THAP9: variants seen among roughly 807,000 people sequenced by gnomAD.
The protein encoded by THAP9 is DNA transposase THAP9.
THAP9 carries 20 observed loss-of-function variants against 35.7 expected under a neutral mutation model. The observed-to-expected ratio is 0.56, with a 90% CI of 0.39 to 0.81. THAP9 has a LOEUF of 0.81. Ranked by LOEUF, THAP9 falls within the 40% of genes least tolerant of loss-of-function variation. THAP9 has a pLI of 0.00. For synonymous variants in THAP9, 335 were observed against 373.7 expected (o/e 0.90, Z 1.19); for missense variants, 870 against 1,047.4 (o/e 0.83, Z 2.34).
intron 2 of THAP9, chr4:82,905,976 G>A (rs1578446024): frequency 2.2e-6 from 1 of 456,414 alleles, no homozygotes; most frequent in East Asian, 6.9e-5. Context: ...CTTCTTTTTT[G>A]CACAAATAAC....
intron 1 of THAP9, among the ~76,000 whole-genome samples, chr4:82,904,024 A>G (rs1428276773): frequency 6.7e-6 from 1 of 148,684 alleles, no homozygotes; most frequent in East Asian, 2.0e-4. Flanking sequence ...ACTCTAGCCC[A>G]TACTCACTCA....
Position 82,917,369 on chromosome 4 carries a change from T to TG in THAP9, c.1161dup (p.Ile388AspfsTer4), listed in dbSNP as rs748395028. ...CATAGTGTTCAGATGGCAAAAGCAT[T>TG]GGGGATACATATTGATGGAGACGAC... On this transcript the variant is annotated frameshift_variant, in exon 5 of 5. Transcript: ENST00000302236. LOFTEE classifies it high-confidence loss of function. The TG allele has an allele frequency of 3.1e-5, 50 of 1,613,328 alleles. No homozygotes were observed. The highest frequency in any genetic ancestry group is 4.0e-5 in the Non-Finnish European group (47 of 1,179,534).
Position 82,907,876 on chromosome 4 carries a change from C to CA in THAP9, c.675dup (p.Val226SerfsTer3), listed in dbSNP as rs1560694192. ...CATGTACACTCTACTTGTGCAGTAG[C>CA]AAAGTCTATGATTATGTAAGAAAGA... is the stretch of plus-strand genomic sequence containing the variant. On this transcript the variant is annotated frameshift_variant, in exon 4 of 5. Coordinates refer to ENST00000302236, the MANE Select transcript of THAP9 (RefSeq NM_024672.6). LOFTEE classifies it high-confidence loss of function. The CA allele has an allele frequency of 6.2e-7, 1 of 1,611,926 alleles. No individual in the cohort carries two copies. Among genetic ancestry groups the CA allele is most frequent in the Admixed American group, 1.7e-5 (1 of 59,812 alleles).
In THAP9 at chr4:82,918,372, T is replaced by C; in HGVS notation, c.2160T>C (p.Gly720=). Residue 720 remains glycine, a synonymous_variant, in exon 5 of 5, where the codon GGT becomes GGC. Coordinates refer to ENST00000302236, the MANE Select transcript of THAP9 (RefSeq NM_024672.6). ...GGCGAAATCTCATCTGTTATGCTGGTTATGTTGCAAACAAGTTATCAGCTC... is the reference window on the plus strand; with the variant it reads ...GGCGAAATCTCATCTGTTATGCTGGCTATGTTGCAAACAAGTTATCAGCTC... ...DHRRNLICYA[G]YVANKLSALL... 2 of 1,614,152 alleles carry C rather than the reference T, an allele frequency of 1.2e-6. No individual in the cohort carries two copies. The highest frequency in any genetic ancestry group is 1.1e-5 in the South Asian group (1 of 91,080).
intron 1 of THAP9, among the ~76,000 whole-genome samples, chr4:82,904,269 T>A (rs1720550738): frequency 6.6e-6 from 1 of 151,988 alleles, no homozygotes; most frequent in Non-Finnish European, 1.5e-5. Flanking sequence ...TTCACCATGT[T>A]GTCCAGGCTG....
At chr4:82,902,229 C>T (rs1455755663) in intron 1 of THAP9, among the ~76,000 whole-genome samples, 1 of 149,314 alleles carries the variant, frequency 6.7e-6, no homozygotes, top group Non-Finnish European at 1.5e-5. Context: ...CCACCTCAGC[C>T]TCATGGGACT....
At position 82,900,779 on chromosome 4, in the gene THAP9, G is replaced by C; in HGVS notation, c.-24G>C. 1 of 1,613,512 alleles carries C rather than the reference G, an allele frequency of 6.2e-7. No homozygotes were observed. The highest frequency in any genetic ancestry group is 8.5e-7 in the Non-Finnish European group (1 of 1,179,922). On this transcript the variant is annotated 5_prime_UTR_variant, in exon 1 of 5. Coordinates refer to ENST00000302236, the MANE Select transcript of THAP9 (RefSeq NM_024672.6). ...TTCATGCTGTCGCGGGAACCCCGAA[G>C]GTGGGGCCCCACGTAACAAGAAGAT... is the stretch of plus-strand genomic sequence containing the variant.
At position 82,918,483 on chromosome 4, in the gene THAP9, G is replaced by A; in HGVS notation, c.2271G>A (p.Lys757=). The change falls in exon 5 of 5, where the codon AAG becomes AAA. Residue 757 remains lysine (K), a synonymous_variant. Transcript: ENST00000302236. ...TTGGGTCACTATTATTTGTTAAAAA[G>A]AAGAATGGTTTGCATTTTCCTTCAG... ...SKIGSLLFVK[K]KNGLHFPSES... 2 of 1,613,950 alleles carry A rather than the reference G, an allele frequency of 1.2e-6. No homozygotes were observed. Among genetic ancestry groups the A allele is most frequent in the East Asian group, 2.2e-5 (1 of 44,876 alleles).
chr4:82,910,488 G>C (rs1455539346), intron 4 of THAP9, among the ~76,000 whole-genome samples: 11 of 149,134 alleles, frequency 7.4e-5, no homozygotes, highest in Non-Finnish European at 1.5e-5. Flanking sequence ...TTAGTGTTCT[G>C]TTATATTAAT....
At chr4:82,916,488 A>G (rs565388520) in intron 4 of THAP9, among the ~76,000 whole-genome samples, 193 of 152,310 alleles carry the variant, frequency 1.3e-3, no homozygotes, top group Non-Finnish European at 2.4e-3. Context: ...GTTCATAACT[A>G]ACAGTACATT....
chr4:82,915,572 T>A (rs3940815), intron 4 of THAP9, among the ~76,000 whole-genome samples: 50,202 of 151,958 alleles, frequency 0.33, 9,669 homozygotes, highest in African/African-American at 0.52. Flanking sequence ...GTGTGTTTTT[T>A]AAACCTATTA....
chr4:82,918,033 C>T lies in THAP9; in HGVS notation c.1821C>T (p.Phe607=). The part of the protein sequence containing the change: ...MPFPYLLTYK[F]SHDHLELFLK... ...TTCCTTATCTTCTGACTTACAAATT[C>T]AGTCATGATCATCTGGAATTATTTC... The change falls in exon 5 of 5, where the codon TTC becomes TTT. Residue 607 remains phenylalanine, a synonymous_variant. Transcript: ENST00000302236. 6.2e-7 allele frequency: 1 copy of T among 1,614,000 alleles called. No individual in the cohort carries two copies. Among genetic ancestry groups the T allele is most frequent in the South Asian group, 1.1e-5 (1 of 91,066 alleles).
At position 82,917,666 on chromosome 4, in the gene THAP9, G is replaced by C. The variant is rs370590649; in HGVS notation, c.1454G>C (p.Ser485Thr). 1.5e-5 allele frequency: 25 copies of C among 1,613,244 alleles called. No homozygotes were observed. Among genetic ancestry groups the C allele is most frequent in the Non-Finnish European group, 1.9e-5 (23 of 1,179,578 alleles). ...AGTGCCACCCAACTCTTTAGTGAGA[G>C]TGTAGCCAGTGCATTAGAATATTTG... ...VNSATQLFSE[S>T]VASALEYLLS... is the part of the protein sequence containing the mutation. Residue 485 changes from serine (S) to threonine (T), a missense_variant, in exon 5 of 5, where the codon AGT becomes ACT. By Grantham distance (58) the Ser-to-Thr change is moderately conservative. Transcript: ENST00000302236.
Position 82,917,647 on chromosome 4 carries a change from A to AC in THAP9, c.1438dup (p.Gln480ProfsTer4), listed in dbSNP as rs769513941. ...TCATGTACTGAAAGTGAATAGTGCC[A>AC]CCCAACTCTTTAGTGAGAGTGTAGC... On this transcript the variant is annotated frameshift_variant, in exon 5 of 5. Transcript: ENST00000302236. LOFTEE classifies it high-confidence loss of function. 89 of 1,613,796 alleles carry AC rather than the reference A, an allele frequency of 5.5e-5. No individual in the cohort carries two copies. The highest frequency in any genetic ancestry group is 7.4e-5 in the Non-Finnish European group (87 of 1,179,830).
At chr4:82,900,931 G>T (rs755191963) in intron 1 of THAP9, 49 bp downstream of exon 1, 2 of 1,604,038 alleles carry the variant, frequency 1.2e-6, no homozygotes, top group Admixed American at 3.4e-5. Flanking sequence ...GCGGGGCCCG[G>T]CGGGCCGTGG....
rs755281975 is a variant in THAP9, at chr4:82,900,873, C to T, written c.71C>T (p.Ser24Phe). Residue 24 changes from serine to phenylalanine, a missense_variant, in exon 1 of 5, where the codon TCC becomes TTC. Transcript: ENST00000302236. ...DTVLSRERGL[S>F]FHQFPTDTIQ... is the part of the protein sequence containing the mutation. ...GTGCTCAGCCGGGAGCGCGGCCTCT[C>T]CTTCCACCAGTGCGTATGGGAGCAG... 1.2e-6 allele frequency: 2 copies of T among 1,613,434 alleles called. No individual in the cohort carries two copies. The highest frequency in any genetic ancestry group is 1.7e-6 in the Non-Finnish European group (2 of 1,180,000).
At chr4:82,911,126 G>A (rs1243408815) in intron 4 of THAP9, among the ~76,000 whole-genome samples, 1 of 152,150 alleles carries the variant, frequency 6.6e-6, no homozygotes, top group Non-Finnish European at 1.5e-5. Context: ...AATTGGCGAT[G>A]TATAAGAGAA....
chr4:82,911,832 A>G (rs1304581272), intron 4 of THAP9, among the ~76,000 whole-genome samples: 1 of 152,250 alleles, frequency 6.6e-6, no homozygotes, highest in Non-Finnish European at 1.5e-5. Context: ...ACCTACCAGG[A>G]AAAGTAAGTA....
intron 1 of THAP9, chr4:82,901,161 CTTA>C (rs1295436637): frequency 6.1e-6 from 4 of 655,278 alleles, no homozygotes; most frequent in African/African-American, 3.6e-5. Flanking sequence ...ATTGGATGGT[CTTA>C]TTATTTGAAG....
Sources: allele counts gnomAD v4.1 joint callset (sites outside exome capture counted in the v4.1 genomes callset), GRCh38; gene constraint gnomAD v4.1.1; transcripts MANE v1.5; gene names NCBI Gene and HGNC (gene_info 2026-07-23, HGNC 2026-07-21).